PTPRD: variants seen among roughly 807,000 people sequenced by gnomAD.
PTPRD encodes protein tyrosine phosphatase receptor type D.
Under a neutral mutation model 214.5 loss-of-function variants are expected in PTPRD, and 34 were observed. The ratio of observed to expected loss-of-function variants is 0.16; its 90% CI spans 0.12 to 0.21. PTPRD has a LOEUF of 0.21. PTPRD is among the 10% of genes least tolerant of loss of function. The pLI is 1.00. For synonymous variants in PTPRD, 1,128 were observed against 845.7 expected, an observed-to-expected ratio of 1.33 and a Z score of -5.79; for missense variants, 2,545 against 2,398.7, an observed-to-expected ratio of 1.06 and a Z score of -1.27.
intron 2 of PTPRD, among the ~76,000 whole-genome samples, chr9:10,441,435 T>C (rs1301696209): frequency 6.6e-6 from 1 of 151,742 alleles, no homozygotes; most frequent in Non-Finnish European, 1.5e-5. Flanking sequence ...CAAATCAGAT[T>C]TTCTATTCAG....
intron 14 of PTPRD, among the ~76,000 whole-genome samples, chr9:8,593,596 A>C (rs1229718560): frequency 6.6e-6 from 1 of 152,236 alleles, no homozygotes; most frequent in Non-Finnish European, 1.5e-5. Flanking sequence ...TGTGGAGTAG[A>C]CAGTGATATC....
chr9:9,442,121 G>C (rs1443081022), intron 8 of PTPRD: 1 of 152,326 alleles, frequency 6.6e-6, no homozygotes, highest in East Asian at 1.9e-4. Flanking sequence ...CTGGAGGATC[G>C]CTTGAGTCCA....
At chr9:9,814,850 A>C (rs904064211) in intron 5 of PTPRD, among the ~76,000 whole-genome samples, 1 of 133,118 alleles carries the variant, frequency 7.5e-6, no homozygotes, top group South Asian at 2.4e-4. Context: ...CATGGGCTGG[A>C]GTACAGTGGC....
chr9:10,256,410 A>G (rs1220323076), intron 3 of PTPRD, among the ~76,000 whole-genome samples: 3 of 135,490 alleles, frequency 2.2e-5, no homozygotes, highest in Non-Finnish European at 4.8e-5. Flanking sequence ...TTTTTTTTTA[A>G]TAAGTAGGAG....
intron 18 of PTPRD, among the ~76,000 whole-genome samples, chr9:8,524,448 T>C (rs10977176): frequency 0.32 from 49,340 of 152,058 alleles, 9,563 homozygotes; most frequent in Non-Finnish European, 0.42. Context: ...GCACTTGTTT[T>C]ATAGAGTTAG....
At chr9:8,944,965 T>C (rs4256637) in intron 11 of PTPRD, among the ~76,000 whole-genome samples, 152,033 of 152,096 alleles carry the variant, frequency 1, 75,986 homozygotes, top group Non-Finnish European at 1. Context: ...CCCCCTTTAC[T>C]CTGATGTGAT....
At chr9:10,306,337 T>C (rs1423540370) in intron 3 of PTPRD, among the ~76,000 whole-genome samples, 1 of 151,956 alleles carries the variant, frequency 6.6e-6, no homozygotes, top group South Asian at 2.1e-4. Flanking sequence ...TGCGGGTTGA[T>C]TGGTGTTGCA....
At chr9:9,374,203 G>C (rs1007424081) in intron 9 of PTPRD, among the ~76,000 whole-genome samples, 3 of 151,880 alleles carry the variant, frequency 2.0e-5, no homozygotes, top group Admixed American at 6.6e-5. Context: ...TAAAATGATA[G>C]ACTGCAAAAT....
chr9:8,571,106 T>A (rs1161085235), intron 14 of PTPRD, among the ~76,000 whole-genome samples: 1 of 152,028 alleles, frequency 6.6e-6, no homozygotes. Flanking sequence ...ATATTCCATT[T>A]ATCAATTTTT....
At chr9:10,569,130 A>C (rs201473915) in intron 2 of PTPRD, among the ~76,000 whole-genome samples, 22 of 152,138 alleles carry the variant, frequency 1.4e-4, no homozygotes, top group Non-Finnish European at 2.5e-4. Flanking sequence ...AGACACTTCT[A>C]AAAAGAAGAC....
At chr9:10,013,980 G>C (rs2154109898) in intron 4 of PTPRD, among the ~76,000 whole-genome samples, 1 of 151,948 alleles carries the variant, frequency 6.6e-6, no homozygotes, top group East Asian at 1.9e-4. Context: ...TTCTAAACAT[G>C]TGTTCTTTAT....
At chr9:8,384,208 T>G (rs1353206312) in intron 37 of PTPRD, among the ~76,000 whole-genome samples, 7 of 152,198 alleles carry the variant, frequency 4.6e-5, no homozygotes. Context: ...ACATTTTACT[T>G]TCCCTACAAA....
intron 5 of PTPRD, among the ~76,000 whole-genome samples, chr9:9,839,086 G>A (rs2057625474): frequency 6.6e-6 from 1 of 152,118 alleles, no homozygotes. Flanking sequence ...TAGATATGCG[G>A]CGTTATTTTT....
chr9:9,561,174 G>C (rs565049028), intron 8 of PTPRD, among the ~76,000 whole-genome samples: 1 of 152,092 alleles, frequency 6.6e-6, no homozygotes, highest in African/African-American at 2.4e-5. Context: ...GGAGTTATAC[G>C]CCTGCGCTCT....
intron 5 of PTPRD, among the ~76,000 whole-genome samples, chr9:9,802,653 TA>T (rs148526801): frequency 2.0e-5 from 3 of 151,410 alleles, no homozygotes; most frequent in Admixed American, 1.3e-4. Flanking sequence ...CGTTTTTTTT[TA>T]AAAAAAATTC....
intron 11 of PTPRD, among the ~76,000 whole-genome samples, chr9:8,758,782 G>C (rs187157579): frequency 5.2e-4 from 78 of 151,192 alleles, no homozygotes; most frequent in African/African-American, 1.8e-3. Context: ...TTTTGAGATG[G>C]AGTCTCGCTC....
At chr9:9,048,217 T>C (rs542884417) in intron 10 of PTPRD, among the ~76,000 whole-genome samples, 1 of 152,146 alleles carries the variant, frequency 6.6e-6, no homozygotes, top group Non-Finnish European at 1.5e-5. Context: ...TGTAAATTAG[T>C]ACAATCATTA....
At chr9:9,238,391 T>C (rs919966238) in intron 9 of PTPRD, among the ~76,000 whole-genome samples, 9 of 152,050 alleles carry the variant, frequency 5.9e-5, no homozygotes, top group African/African-American at 2.2e-4. Context: ...TAAGTAATTA[T>C]TGCTGCAGGG....
chr9:9,343,243 C>A (rs1250739248), intron 9 of PTPRD, among the ~76,000 whole-genome samples: 2 of 152,100 alleles, frequency 1.3e-5, no homozygotes, highest in African/African-American at 4.8e-5. Flanking sequence ...TGGGTATATA[C>A]CCAGTAATGG....
Sources: allele counts gnomAD v4.1 joint callset (sites outside exome capture counted in the v4.1 genomes callset), GRCh38; gene constraint gnomAD v4.1.1; transcripts MANE v1.5; gene names NCBI Gene and HGNC (gene_info 2026-07-23, HGNC 2026-07-21).